The following ARHGAP10 variants were observed in gnomAD, a reference collection of about 807,000 sequenced individuals.
ARHGAP10 encodes the protein Rho GTPase activating protein 10, also known as rho GTPase-activating protein 10.
Under a neutral mutation model 108.6 loss-of-function variants are expected in ARHGAP10, and 87 were observed. That is an observed-to-expected ratio of 0.80 (90% CI 0.67 to 0.96). The LOEUF is 0.96. ARHGAP10 is among the 40% of genes least tolerant of loss of function. The pLI, the probability that ARHGAP10 is intolerant of heterozygous loss-of-function variation, is 0.00. For synonymous variants in ARHGAP10, 347 were observed against 341.1 expected (o/e 1.02, Z -0.19); for missense variants, 939 against 954.5 (o/e 0.98, Z 0.21).
At chr4:147,751,675 CT>C (rs991212201) in intron 1 of ARHGAP10, among the ~76,000 whole-genome samples, 1 of 151,478 alleles carries the variant, frequency 6.6e-6, no homozygotes, top group South Asian at 2.1e-4. Flanking sequence ...CCTTTTTTTG[CT>C]TTTTTTGGAG....
chr4:148,035,536 C>G (rs910031630), intron 19 of ARHGAP10, among the ~76,000 whole-genome samples: 3 of 152,144 alleles, frequency 2.0e-5, no homozygotes, highest in Non-Finnish European at 4.4e-5. Flanking sequence ...TTCATCTGTA[C>G]ATTATTTGGC....
At chr4:147,834,208 ACC>A (rs1733070286) in intron 3 of ARHGAP10, among the ~76,000 whole-genome samples, 1 of 152,152 alleles carries the variant, frequency 6.6e-6, no homozygotes, top group Non-Finnish European at 1.5e-5. Context: ...GGTGGCTTAC[ACC>A]TGTAGTCCCA....
intron 13 of ARHGAP10, among the ~76,000 whole-genome samples, chr4:147,926,369 G>A (rs1359195856): frequency 6.6e-6 from 1 of 151,910 alleles, no homozygotes; most frequent in Non-Finnish European, 1.5e-5. Context: ...GGGATGGATA[G>A]GAAGAGAGAC....
At chr4:147,791,212 A>G (rs1731109858) in intron 1 of ARHGAP10, among the ~76,000 whole-genome samples, 1 of 151,468 alleles carries the variant, frequency 6.6e-6, no homozygotes, top group Non-Finnish European at 1.5e-5. Flanking sequence ...CCCAGGTTCA[A>G]GTGATTCTCC....
intron 1 of ARHGAP10, among the ~76,000 whole-genome samples, chr4:147,797,840 T>TC (rs1731380826): frequency 6.6e-6 from 1 of 152,230 alleles, no homozygotes; most frequent in Non-Finnish European, 1.5e-5. Context: ...TCTGCTATGT[T>TC]CCCTGAGGGT....
intron 1 of ARHGAP10, among the ~76,000 whole-genome samples, chr4:147,797,799 C>T (rs1201617546): frequency 6.6e-6 from 1 of 152,194 alleles, no homozygotes; most frequent in African/African-American, 2.4e-5. Flanking sequence ...GAAACCTTCT[C>T]TGCCTTTCCC....
intron 10 of ARHGAP10, among the ~76,000 whole-genome samples, chr4:147,893,348 G>A (rs1735862248): frequency 1.3e-5 from 2 of 151,560 alleles, no homozygotes; most frequent in Non-Finnish European, 1.5e-5. Flanking sequence ...GTGAGCCACT[G>A]CTCCCGGCAG....
At chr4:147,970,314 G>C (rs1249654742) in intron 18 of ARHGAP10, among the ~76,000 whole-genome samples, 2 of 152,030 alleles carry the variant, frequency 1.3e-5, no homozygotes, top group Non-Finnish European at 2.9e-5. Context: ...GGGAGGGAAG[G>C]ATCTAGTCCC....
chr4:147,809,518 G>C (rs188618842), intron 1 of ARHGAP10, among the ~76,000 whole-genome samples: 1 of 152,102 alleles, frequency 6.6e-6, no homozygotes, highest in Non-Finnish European at 1.5e-5. Flanking sequence ...TTGGTTCTAG[G>C]TTGTTGATGA....
chr4:148,062,747 C>T (rs1252046667), intron 20 of ARHGAP10, among the ~76,000 whole-genome samples: 1 of 152,098 alleles, frequency 6.6e-6, no homozygotes, highest in African/African-American at 2.4e-5. Context: ...AAATGTTTAG[C>T]TGATCTTTTG....
chr4:147,816,650 G>A (rs980546406), intron 1 of ARHGAP10, among the ~76,000 whole-genome samples: 17 of 152,198 alleles, frequency 1.1e-4, no homozygotes, highest in African/African-American at 3.6e-4. Flanking sequence ...CTGGGCTTAT[G>A]AGTTGTTTGC....
At position 147,913,146 on chromosome 4, in the gene ARHGAP10, T is replaced by C. The variant is rs749115525; in HGVS notation, c.1228+7T>C. On this transcript the variant is annotated splice_region_variant and intron_variant, in intron 13 of 22. Transcript: ENST00000336498. Reference sequence around the variant, plus strand: ...AGTGCCGTTGAAACACGAGGTAATATGATTGAATCATTTCATTCATGAGAG... The same window carrying C: ...AGTGCCGTTGAAACACGAGGTAATACGATTGAATCATTTCATTCATGAGAG... 1.1e-5 allele frequency: 17 copies of C among 1,611,970 alleles called. No homozygotes were observed. The South Asian group carries it at 1.6e-4, about 16-fold the overall frequency.
chr4:147,756,485 T>A (rs1729376757), intron 1 of ARHGAP10, among the ~76,000 whole-genome samples: 1 of 152,198 alleles, frequency 6.6e-6, no homozygotes, highest in Non-Finnish European at 1.5e-5. Context: ...TAGTCCCCCT[T>A]ATCCGTGGTT....
intron 1 of ARHGAP10, among the ~76,000 whole-genome samples, chr4:147,811,740 C>T (rs1732028991): frequency 6.6e-6 from 1 of 152,170 alleles, no homozygotes; most frequent in African/African-American, 2.4e-5. Context: ...TTATCTGTAA[C>T]CTGCTTGCAG....
chr4:147,964,309 A>T (rs1463811178), intron 16 of ARHGAP10, among the ~76,000 whole-genome samples: 3 of 152,176 alleles, frequency 2.0e-5, no homozygotes, highest in African/African-American at 4.8e-5. Flanking sequence ...CCGGTCCTCA[A>T]CCTGCGCACC....
intron 10 of ARHGAP10, among the ~76,000 whole-genome samples, chr4:147,900,232 T>TA (rs1389272273): frequency 2.6e-5 from 4 of 152,212 alleles, no homozygotes; most frequent in Non-Finnish European, 5.9e-5. Context: ...TGGTGCCTGA[T>TA]TGGTGATACC....
chr4:147,918,820 C>G (rs1737102926), intron 13 of ARHGAP10, among the ~76,000 whole-genome samples: 1 of 152,240 alleles, frequency 6.6e-6, no homozygotes, highest in African/African-American at 2.4e-5. Flanking sequence ...GTCTGTAGCT[C>G]CTAGAGCAGA....
chr4:148,011,548 G>A (rs1741171960), intron 18 of ARHGAP10, among the ~76,000 whole-genome samples: 1 of 152,242 alleles, frequency 6.6e-6, no homozygotes, highest in African/African-American at 2.4e-5. Context: ...GCTAGAGACT[G>A]TAGGGCCTTT....
chr4:147,972,425 G>T (rs1241295159), intron 18 of ARHGAP10, among the ~76,000 whole-genome samples: 6 of 152,168 alleles, frequency 3.9e-5, no homozygotes, highest in African/African-American at 1.4e-4. Flanking sequence ...ACATCTGAGA[G>T]AAGTGAGGGG....
Sources: allele counts gnomAD v4.1 joint callset (sites outside exome capture counted in the v4.1 genomes callset), GRCh38; gene constraint gnomAD v4.1.1; transcripts MANE v1.5; gene names NCBI Gene and HGNC (gene_info 2026-07-23, HGNC 2026-07-21).